Variants in FGD6 observed in about 807,000 individuals in gnomAD.
FGD6 encodes FYVE, RhoGEF and PH domain-containing protein 6.
In FGD6, 90 loss-of-function variants were observed where a neutral mutation model predicts 149.4. The ratio of observed to expected loss-of-function variants is 0.60; its 90% CI spans 0.51 to 0.72. The LOEUF is 0.72. FGD6 is among the 30% of genes least tolerant of loss of function. FGD6 has a pLI of 0.00. For missense variants in FGD6, 1,437 were observed against 1,684.8 expected (o/e 0.85, Z 2.57); for synonymous variants, 527 against 584.0 (o/e 0.90, Z 1.41).
chr12:95,160,561 C>T (rs1226086703), intron 3 of FGD6, among the ~76,000 whole-genome samples: 2 of 152,194 alleles, frequency 1.3e-5, no homozygotes, highest in Non-Finnish European at 2.9e-5. Context: ...GGCCCAACCC[C>T]CATGCCCAGG....
intron 1 of FGD6, among the ~76,000 whole-genome samples, chr12:95,215,500 T>C (rs66551640): frequency 0.11 from 16,993 of 152,108 alleles, 1,394 homozygotes; most frequent in African/African-American, 0.23. Flanking sequence ...ATATTCCCCA[T>C]CTAGACACCA....
At chr12:95,198,799 T>C (rs1881791994) in intron 2 of FGD6, among the ~76,000 whole-genome samples, 1 of 152,208 alleles carries the variant, frequency 6.6e-6, no homozygotes, top group Admixed American at 6.5e-5. Context: ...TCCTTCCTCT[T>C]GTCTGGTTCA....
intron 5 of FGD6, among the ~76,000 whole-genome samples, chr12:95,151,211 A>G (rs902861563): frequency 3.3e-5 from 5 of 152,204 alleles, no homozygotes; most frequent in Admixed American, 3.3e-4. Context: ...TAGCAATGTT[A>G]AGAATTTTTA....
chr12:95,196,218 C>T (rs1238287434), intron 2 of FGD6, among the ~76,000 whole-genome samples: 2 of 152,202 alleles, frequency 1.3e-5, no homozygotes, highest in South Asian at 4.1e-4. Flanking sequence ...ATCAGTTTGG[C>T]TCTACAGAAG....
At chr12:95,217,174 A>G in intron 1 of FGD6, 51 bp downstream of exon 1, 1 of 1,610,892 alleles carries the variant, frequency 6.2e-7, no homozygotes, top group Admixed American at 1.7e-5. Flanking sequence ...GCCCAAGCCT[A>G]GCAGCGCTCG....
chr12:95,208,815 G>T (rs912092679), intron 2 of FGD6, 28 bp downstream of exon 2: 1 of 1,589,630 alleles, frequency 6.3e-7, no homozygotes, highest in Non-Finnish European at 8.6e-7. Context: ...AATGATGCAT[G>T]CAAAAGTGTC....
At chr12:95,121,463 AGATATATATATATAT>A (rs1879183360) in intron 8 of FGD6, among the ~76,000 whole-genome samples, 2 of 53,564 alleles carry the variant, frequency 3.7e-5, no homozygotes, top group African/African-American at 2.1e-4. Context: ...AAAAAAAAAA[AGATATATATATATAT>A]ATGTATATAT....
At chr12:95,132,851 T>A (rs1879564504) in intron 8 of FGD6, among the ~76,000 whole-genome samples, 1 of 152,230 alleles carries the variant, frequency 6.6e-6, no homozygotes, top group African/African-American at 2.4e-5. Flanking sequence ...CCCCTCCCAT[T>A]TGAAACTACA....
intron 3 of FGD6, among the ~76,000 whole-genome samples, chr12:95,154,277 T>C (rs533773036): frequency 6.6e-6 from 1 of 152,168 alleles, no homozygotes; most frequent in East Asian, 1.9e-4. Context: ...TCTTTTATTA[T>C]GGACTACTTT....
intron 5 of FGD6, 106 bp from the exon 6 acceptor site, chr12:95,141,645 G>C: frequency 7.9e-7 from 1 of 1,261,818 alleles, no homozygotes; most frequent in South Asian, 1.6e-5. Context: ...TTGCACAGCT[G>C]TATTTCTCAT....
chr12:95,184,581 G>GT (rs35725583), intron 2 of FGD6, among the ~76,000 whole-genome samples: 94 of 132,058 alleles, frequency 7.1e-4, no homozygotes, highest in Middle Eastern at 7.8e-3. Context: ...CTTCCTGCAC[G>GT]TTTTTTTTTT....
At position 95,210,654 on chromosome 12, in the gene FGD6, AC is replaced by A; in HGVS notation, c.629del (p.Gly210ValfsTer63). 6.2e-7 allele frequency: 1 copy of A among 1,614,194 alleles called. No individual in the cohort carries two copies. The highest frequency in any genetic ancestry group is 8.5e-7 in the Non-Finnish European group (1 of 1,180,038). On this transcript the variant is annotated frameshift_variant, in exon 2 of 21. Transcript: ENST00000343958. LOFTEE classifies it high-confidence loss of function. ...HRPTDSPEMNGGCNSNGQFRI... is the reference protein window; with the variant it reads ...HRPTDSPEMNXGCNSNGQFRI... Reference sequence around the variant, plus strand: ...TGAATTGTCCATTTGAATTACAGCCACCATTCATTTCTGGGCTGTCTGTGGG... The same window carrying A: ...TGAATTGTCCATTTGAATTACAGCCACATTCATTTCTGGGCTGTCTGTGGG...
chr12:95,137,789 T>C, intron 6 of FGD6, 111 bp from the exon 7 acceptor site: 2 of 704,796 alleles, frequency 2.8e-6, no homozygotes, highest in Non-Finnish European at 4.1e-6. Flanking sequence ...TTTCTCTTCT[T>C]GTAAGACATA....
At chr12:95,208,466 C>G (rs1245225526) in intron 2 of FGD6, among the ~76,000 whole-genome samples, 1 of 152,096 alleles carries the variant, frequency 6.6e-6, no homozygotes, top group East Asian at 1.9e-4. Flanking sequence ...TCAGTAACTT[C>G]AGACTTCTTA....
rs1396582664 is a variant in FGD6 at position 95,149,245 on chromosome 12, TA to T, written c.2685+3565del. On this transcript the variant is annotated intron_variant, in intron 5 of 20. Coordinates refer to ENST00000343958, the MANE Select transcript of FGD6 (RefSeq NM_018351.4). ...TATATAGCATATATATTATATAATATATAGCATATATATTATATATTATATT... is the reference window on the plus strand; with the variant it reads ...TATATAGCATATATATTATATAATATTAGCATATATATTATATATTATATT... Among the ~76,000 whole-genome samples the T allele has an allele frequency of 9.8e-5, 2 of 20,336 alleles. 1 individual carries two copies. Among genetic ancestry groups the T allele is most frequent in the African/African-American group, 6.1e-4 (2 of 3,278 alleles). The allele number at this position is 20,336 out of a possible 152,430, so 13.3% of individuals were successfully genotyped here.
chr12:95,152,713 G>A (rs1880345830), intron 5 of FGD6, 98 bp downstream of exon 5: 2 of 1,049,184 alleles, frequency 1.9e-6, no homozygotes, highest in African/African-American at 1.6e-5. Flanking sequence ...TTTAGAAAAT[G>A]TCTATCATTA....
At position 95,209,934 on chromosome 12, in the gene FGD6, A is replaced by G. The variant is rs1296918592; in HGVS notation, c.1350T>C (p.Thr450=). 6.2e-7 allele frequency: 1 copy of G among 1,612,862 alleles called. No individual in the cohort carries two copies. Reference sequence around the variant, plus strand: ...GCTGCTTAGGCAGGCTCATAGATACAGTACATCTTATAAAACCGGTCCCTT... The same window carrying G: ...GCTGCTTAGGCAGGCTCATAGATACGGTACATCTTATAAAACCGGTCCCTT... ...VDEGTGFIRC[T]VSMSLPKQLK... The change falls in exon 2 of 21, where the codon ACT becomes ACC. Residue 450 remains threonine, a synonymous_variant. Coordinates refer to ENST00000343958, the MANE Select transcript of FGD6 (RefSeq NM_018351.4).
At position 95,208,892 on chromosome 12, in the gene FGD6, C is replaced by T. The variant is rs1370745167; in HGVS notation, c.2392G>A (p.Glu798Lys). The change falls in exon 2 of 21, where the codon GAA becomes AAA. Residue 798 changes from glutamate (E) to lysine (K), a missense_variant. This residue lies in a region of FGD6 where 1,055 missense variants were observed against 1,146.0 expected (regional missense o/e 0.92). Coordinates refer to ENST00000343958, the MANE Select transcript of FGD6 (RefSeq NM_018351.4). ...AGCTGCAGCTGGCCATCTGGAGCTTCATACGGCTCTTCTACCTCATACACA... is the reference window on the plus strand; with the variant it reads ...AGCTGCAGCTGGCCATCTGGAGCTTTATACGGCTCTTCTACCTCATACACA... ...ANVYEVEEPY[E>K]APDGQLQLGP... 1 of 1,613,994 alleles carries T rather than the reference C, an allele frequency of 6.2e-7. No individual in the cohort carries two copies.
At chr12:95,112,584 A>G (rs1878863636) in intron 9 of FGD6, among the ~76,000 whole-genome samples, 1 of 152,110 alleles carries the variant, frequency 6.6e-6, no homozygotes, top group African/African-American at 2.4e-5. Context: ...TGGGTGACAG[A>G]GTGAGACTCT....
Sources: allele counts gnomAD v4.1 joint callset (sites outside exome capture counted in the v4.1 genomes callset), GRCh38; gene constraint gnomAD v4.1.1; regional missense constraint gnomAD v4.1.1; transcripts MANE v1.5; gene names NCBI Gene and HGNC (gene_info 2026-07-23, HGNC 2026-07-21).